Variants in SRRM3 observed in about 807,000 individuals in gnomAD.
SRRM3 encodes serine/arginine repetitive matrix protein 3.
In SRRM3, 27 loss-of-function variants were observed where a neutral mutation model predicts 66.2. The observed-to-expected ratio is 0.41, with a 90% CI of 0.30 to 0.56. SRRM3 has a LOEUF of 0.56. Among genes scored for constraint, SRRM3 ranks in the 20% least tolerant of loss-of-function variants. The pLI, the probability that SRRM3 is intolerant of heterozygous loss-of-function variation, is 0.32. For missense variants in SRRM3, 918 were observed against 991.9 expected (o/e 0.93, Z 1.00); for synonymous variants, 391 against 414.9 (o/e 0.94, Z 0.70).
At chr7:76,276,706 C>G (rs1436251446) in intron 11 of SRRM3, among the ~76,000 whole-genome samples, 2 of 152,110 alleles carry the variant, frequency 1.3e-5, no homozygotes, top group African/African-American at 4.8e-5. Flanking sequence ...GAGACCCAGC[C>G]AAGCTGAGGA....
chr7:76,241,818 A>T (rs1267242109), intron 2 of SRRM3, among the ~76,000 whole-genome samples: 1 of 152,174 alleles, frequency 6.6e-6, no homozygotes, highest in Non-Finnish European at 1.5e-5. Flanking sequence ...GCTACCATTC[A>T]TTGAGCACCT....
intron 2 of SRRM3, 94 bp from the exon 3 acceptor site, chr7:76,248,094 C>A: frequency 1.1e-6 from 1 of 932,860 alleles, no homozygotes; most frequent in Non-Finnish European, 1.7e-6. Context: ...GCACTTGTGA[C>A]CCAGGGGTTG....
intron 1 of SRRM3, among the ~76,000 whole-genome samples, chr7:76,226,244 C>G: frequency 6.6e-6 from 1 of 152,236 alleles, no homozygotes; most frequent in East Asian, 1.9e-4. Flanking sequence ...TGTGTCCACA[C>G]CCAGGCTTGC....
At chr7:76,261,725 G>C in intron 8 of SRRM3, 144 bp downstream of exon 8, 1 of 923,502 alleles carries the variant, frequency 1.1e-6, no homozygotes, top group Non-Finnish European at 1.7e-6. Flanking sequence ...AGGCTGCGGG[G>C]ACAGGGCAGT....
rs542451077 is a variant in SRRM3 at position 76,204,624 on chromosome 7, G to C, written c.-40+2557G>C. Among the ~76,000 whole-genome samples the C allele has an allele frequency of 1.3e-4, 20 of 152,260 alleles. No homozygotes were observed. The East Asian group carries it at 1.9e-3, about 15-fold the overall frequency. On this transcript the variant is annotated intron_variant, in intron 1 of 14. Transcript: ENST00000611745. ...CAGGCACTGTAGGCCAGTGAGTGTT[G>C]GAGAGGTGGGTGGCACATGGTGAAG...
chr7:76,285,572 C>A lies in SRRM3; in HGVS notation c.1734-43C>A. The A allele has an allele frequency of 6.6e-7, 1 of 1,503,982 alleles. No homozygotes were observed. Among genetic ancestry groups the A allele is most frequent in the Non-Finnish European group, 9.0e-7 (1 of 1,111,942 alleles). 93.2% of individuals were successfully genotyped at this position (1,503,982 alleles called of 1,614,324 possible). ...CCCTGGCCGCTGCTGGGATGGGGCTCGGGGCCTGGGATGGCCTGTAATCAG... is the reference window on the plus strand; with the variant it reads ...CCCTGGCCGCTGCTGGGATGGGGCTAGGGGCCTGGGATGGCCTGTAATCAG... On this transcript the variant is annotated intron_variant, in intron 14 of 14. Coordinates refer to ENST00000611745, the MANE Select transcript of SRRM3 (RefSeq NM_001110199.3). The surrounding 1 kb of genome is among the most constrained non-coding windows in gnomAD (Gnocchi z 4.1).
chr7:76,219,021 A>G (rs2116957868), intron 1 of SRRM3, among the ~76,000 whole-genome samples: 1 of 151,768 alleles, frequency 6.6e-6, no homozygotes, highest in South Asian at 2.1e-4. Flanking sequence ...TGCCTGGCTA[A>G]TTTTTGTATT....
At chr7:76,266,503 A>C (rs1393411081) in intron 10 of SRRM3, among the ~76,000 whole-genome samples, 5 of 111,004 alleles carry the variant, frequency 4.5e-5, no homozygotes, top group African/African-American at 1.9e-4. Context: ...TATATATTTA[A>C]TATATAAATA....
chr7:76,223,820 GCCTTCCCTTCCCTTCCCTTC>G lies in SRRM3; in HGVS notation c.-39-11154_-39-11135del, dbSNP rs1238913750. Among the ~76,000 whole-genome samples the G allele has an allele frequency of 1.8e-3, 93 of 51,630 alleles. 3 individuals carry two copies. Among genetic ancestry groups the G allele is most frequent in the Middle Eastern group, 0.021 (2 of 96 alleles). 33.9% of individuals were successfully genotyped at this position (51,630 alleles called of 152,430 possible). On this transcript the variant is annotated intron_variant, in intron 1 of 14. Transcript: ENST00000611745. The stretch of plus-strand genomic sequence containing the variant: ...GGATCTTAACATGCCCTTGGCTTTT[GCCTTCCCTTCCCTTCCCTTC>G]CCTTCCCTTCCCTTCCCTTCCCTTC...
chr7:76,283,108 AGGGTCTT>A lies in SRRM3; in HGVS notation c.1733+11_1733+17del, dbSNP rs1162368207. ...AGCCGCGGCGCATCACCAGGTATGG[AGGGTCTT>A]GGGGGGGCCGGTGGCGCAGGGCTGG... is the stretch of plus-strand genomic sequence containing the variant. On this transcript the variant is annotated splice_region_variant and intron_variant, in intron 14 of 14. Coordinates refer to ENST00000611745, the MANE Select transcript of SRRM3 (RefSeq NM_001110199.3). 7 of 1,435,868 alleles carry A rather than the reference AGGGTCTT, an allele frequency of 4.9e-6. No individual in the cohort carries two copies. Among genetic ancestry groups the A allele is most frequent in the Non-Finnish European group, 6.4e-6 (7 of 1,100,192 alleles). 88.9% of individuals were successfully genotyped at this position (1,435,868 alleles called of 1,614,324 possible). A position where few individuals can be genotyped will look rare whatever the true frequency, so the allele number is the denominator to read the frequency against.
chr7:76,204,391 C>T (rs1187345128), intron 1 of SRRM3, among the ~76,000 whole-genome samples: 4 of 152,210 alleles, frequency 2.6e-5, no homozygotes, highest in Non-Finnish European at 2.9e-5. Context: ...ATGATCTCAT[C>T]TCATCCTCAC....
intron 11 of SRRM3, among the ~76,000 whole-genome samples, chr7:76,271,104 A>G (rs1274199577): frequency 1.3e-5 from 2 of 152,112 alleles, no homozygotes; most frequent in Non-Finnish European, 2.9e-5. Context: ...TGATGCTTAC[A>G]GGAGAAACTG....
At chr7:76,278,292 G>T (rs1359045383) in intron 11 of SRRM3, among the ~76,000 whole-genome samples, 1 of 152,128 alleles carries the variant, frequency 6.6e-6, no homozygotes, top group Non-Finnish European at 1.5e-5. Context: ...CTCAAGACCA[G>T]CCTGGCCAAC....
At chr7:76,224,651 AG>A (rs2116971723) in intron 1 of SRRM3, among the ~76,000 whole-genome samples, 1 of 152,282 alleles carries the variant, frequency 6.6e-6, no homozygotes, top group African/African-American at 2.4e-5. Flanking sequence ...ATTAGCTACG[AG>A]GGTCTGCCCA....
chr7:76,209,400 G>T (rs782608012), intron 1 of SRRM3, among the ~76,000 whole-genome samples: 28 of 152,124 alleles, frequency 1.8e-4, no homozygotes, highest in Non-Finnish European at 2.9e-4. Context: ...CATTTCAGTT[G>T]GGCCTCAAAG....
intron 1 of SRRM3, among the ~76,000 whole-genome samples, chr7:76,202,683 C>A (rs1167542899): frequency 1.3e-5 from 2 of 152,166 alleles, no homozygotes; most frequent in African/African-American, 4.8e-5. Flanking sequence ...GCACACCCCC[C>A]ACCCCAACCA....
intron 1 of SRRM3, among the ~76,000 whole-genome samples, chr7:76,220,373 G>C (rs1447600117): frequency 6.6e-6 from 1 of 152,136 alleles, no homozygotes; most frequent in Admixed American, 6.5e-5. Flanking sequence ...AGATGAGGAA[G>C]AACCTTCCAG....
At chr7:76,256,010 G>A (rs1213059170) in intron 3 of SRRM3, among the ~76,000 whole-genome samples, 1 of 152,100 alleles carries the variant, frequency 6.6e-6, no homozygotes, top group African/African-American at 2.4e-5. Flanking sequence ...CTCAAAGGTG[G>A]TCTGTTCTTT....
At chr7:76,252,257 A>T (rs1448860394) in intron 3 of SRRM3, among the ~76,000 whole-genome samples, 1 of 152,212 alleles carries the variant, frequency 6.6e-6, no homozygotes, top group East Asian at 1.9e-4. Context: ...CAGCCAGCGC[A>T]TTCAAGGGCT....
Sources: allele counts gnomAD v4.1 joint callset (sites outside exome capture counted in the v4.1 genomes callset), GRCh38; gene constraint gnomAD v4.1.1; non-coding constraint Gnocchi (gnomAD v3.1); transcripts MANE v1.5; gene names NCBI Gene and HGNC (gene_info 2026-07-23, HGNC 2026-07-21).